PGGT1B: variants seen among roughly 807,000 people sequenced by gnomAD.
The protein encoded by PGGT1B is protein geranylgeranyltransferase type I subunit beta.
In PGGT1B, 30 loss-of-function variants were observed where a neutral mutation model predicts 46.1. The ratio of observed to expected loss-of-function variants is 0.65; its 90% CI spans 0.49 to 0.88. PGGT1B has a LOEUF of 0.88. Ranked by LOEUF, PGGT1B falls within the 40% of genes least tolerant of loss-of-function variation. The pLI is 0.00. For synonymous variants in PGGT1B, 170 were observed against 160.0 expected, an observed-to-expected ratio of 1.06 and a Z score of -0.47; for missense variants, 376 against 455.9, an observed-to-expected ratio of 0.82 and a Z score of 1.60.
chr5:115,210,450 G>A lies in PGGT1B; in HGVS notation c.*1952C>T, dbSNP rs1254469448. 6.6e-6 allele frequency: 1 copy of A among 152,000 alleles called. No homozygotes were observed. The highest frequency in any genetic ancestry group is 2.4e-5 in the African/African-American group (1 of 41,378). 9.4% of individuals were successfully genotyped at this position (152,000 alleles called of 1,614,324 possible). A position where few individuals can be genotyped will look rare whatever the true frequency, so the allele number is the denominator to read the frequency against. On this transcript the variant is annotated 3_prime_UTR_variant, in exon 9 of 9. Coordinates refer to ENST00000419445, the MANE Select transcript of PGGT1B (RefSeq NM_005023.4). Reference sequence around the variant, plus strand: ...ATTTTCTGGTCAATTCAGTTGCTGTGGAATGTGAACATTTACTAGTCCATA... The same window carrying A: ...ATTTTCTGGTCAATTCAGTTGCTGTAGAATGTGAACATTTACTAGTCCATA...
intron 3 of PGGT1B, among the ~76,000 whole-genome samples, 165 bp downstream of exon 3, chr5:115,241,374 T>G (rs1262284725): frequency 6.6e-6 from 1 of 152,152 alleles, no homozygotes; most frequent in African/African-American, 2.4e-5. Context: ...TAGGTATAGG[T>G]TTCCTTTAAA....
chr5:115,250,025 CTT>C (rs890357751), intron 2 of PGGT1B, among the ~76,000 whole-genome samples: 1 of 152,034 alleles, frequency 6.6e-6, no homozygotes, highest in African/African-American at 2.4e-5. Flanking sequence ...TCTTCTGAAT[CTT>C]TAACAATTCT....
At chr5:115,219,232 T>C (rs1332512097) in intron 7 of PGGT1B, among the ~76,000 whole-genome samples, 2 of 151,884 alleles carry the variant, frequency 1.3e-5, no homozygotes, top group Admixed American at 6.6e-5. Context: ...AACAGTATAG[T>C]ACTGGCACAA....
Position 115,236,533 on chromosome 5 carries a change from TAAC to T in PGGT1B, c.480-14_480-12del, listed in dbSNP as rs770346514. ...GGTACTGCACAAAAACTGAAAATAA[TAAC>T]AACAATATGATTTTCTATTAACACT... On this transcript the variant is annotated splice_polypyrimidine_tract_variant and intron_variant, in intron 4 of 8. Coordinates refer to ENST00000419445, the MANE Select transcript of PGGT1B (RefSeq NM_005023.4). 4.0e-6 allele frequency: 6 copies of T among 1,514,354 alleles called. No individual in the cohort carries two copies. The highest frequency in any genetic ancestry group is 2.6e-5 in the East Asian group (1 of 38,548). The allele number at this position is 1,514,354 out of a possible 1,614,324, so 93.8% of individuals were successfully genotyped here.
chr5:115,253,136 C>G lies in PGGT1B; in HGVS notation c.259+1G>C. ...AAATAAAATGCTAAAAACTCACTCA[C>G]TGTCTTCTGTGGGAAGGACCTGCAG... is the stretch of plus-strand genomic sequence containing the variant. On this transcript the variant is annotated splice_donor_variant, in intron 2 of 8. Coordinates refer to ENST00000419445, the MANE Select transcript of PGGT1B (RefSeq NM_005023.4). LOFTEE classifies it high-confidence loss of function. 1 of 1,599,160 alleles carries G rather than the reference C, an allele frequency of 6.3e-7. No homozygotes were observed. The highest frequency in any genetic ancestry group is 8.5e-7 in the Non-Finnish European group (1 of 1,174,976).
At chr5:115,227,645 T>C (rs1190958201) in intron 6 of PGGT1B, among the ~76,000 whole-genome samples, 1 of 152,218 alleles carries the variant, frequency 6.6e-6, no homozygotes, top group Non-Finnish European at 1.5e-5. Flanking sequence ...TTCAGGAGAC[T>C]TGTCAGTGAT....
intron 2 of PGGT1B, among the ~76,000 whole-genome samples, chr5:115,251,696 A>G (rs1436607814): frequency 6.6e-6 from 1 of 152,042 alleles, no homozygotes; most frequent in Non-Finnish European, 1.5e-5. Flanking sequence ...TAAATTTTTA[A>G]TTAAAAAATA....
Position 115,231,205 on chromosome 5 carries a change from C to T in PGGT1B, c.613-184G>A, listed in dbSNP as rs183873543. Among the ~76,000 whole-genome samples the T allele has an allele frequency of 3.8e-3, 572 of 152,070 alleles. 1 individual carries two copies. The highest frequency in any genetic ancestry group is 0.014 in the Middle Eastern group (4 of 294). On this transcript the variant is annotated intron_variant, in intron 5 of 8. Transcript: ENST00000419445. ...TAGGCATTTTCAAATACCTGATTTT[C>T]TCTTCTTATTCACCAAGCCAAATCA...
At chr5:115,257,144 A>G in intron 1 of PGGT1B, among the ~76,000 whole-genome samples, 1 of 151,872 alleles carries the variant, frequency 6.6e-6, no homozygotes. Flanking sequence ...CACAGACAAG[A>G]GGGTTAACCT....
rs1214607176 is a variant in PGGT1B, at chr5:115,204,711, C to A, written c.*7691G>T. The A allele has an allele frequency of 1.3e-5, 2 of 152,022 alleles. No individual in the cohort carries two copies. Among genetic ancestry groups the A allele is most frequent in the African/African-American group, 4.8e-5 (2 of 41,392 alleles). The allele number at this position is 152,022 out of a possible 1,614,324, so 9.4% of individuals were successfully genotyped here. On this transcript the variant is annotated 3_prime_UTR_variant, in exon 9 of 9. Transcript: ENST00000419445. ...GCAGTAACTACCAATATTTTTAAAGCATAAATCCTTTAGTCCAGGAAATTC... is the reference window on the plus strand; with the variant it reads ...GCAGTAACTACCAATATTTTTAAAGAATAAATCCTTTAGTCCAGGAAATTC...
At chr5:115,225,212 A>C (rs577482344) in intron 6 of PGGT1B, among the ~76,000 whole-genome samples, 1 of 152,322 alleles carries the variant, frequency 6.6e-6, no homozygotes, top group African/African-American at 2.4e-5. Flanking sequence ...AAGAATAAGA[A>C]AGATTTTCAT....
chr5:115,230,472 C>A (rs867375374), intron 6 of PGGT1B, among the ~76,000 whole-genome samples: 1 of 151,746 alleles, frequency 6.6e-6, no homozygotes, highest in Non-Finnish European at 1.5e-5. Flanking sequence ...CTAGTTCTGC[C>A]AAAGTGGAAA....
chr5:115,247,766 A>G (rs1296529443), intron 2 of PGGT1B, among the ~76,000 whole-genome samples: 1 of 152,198 alleles, frequency 6.6e-6, no homozygotes, highest in East Asian at 1.9e-4. Flanking sequence ...GGCAGACAGG[A>G]GATATTCTTT....
intron 4 of PGGT1B, among the ~76,000 whole-genome samples, chr5:115,237,135 A>G (rs1757208231): frequency 6.6e-6 from 1 of 152,172 alleles, no homozygotes; most frequent in Admixed American, 6.5e-5. Context: ...TTAGTTTCAT[A>G]GGGTTTCCAA....
At chr5:115,226,518 T>C (rs1390524193) in intron 6 of PGGT1B, among the ~76,000 whole-genome samples, 3 of 151,138 alleles carry the variant, frequency 2.0e-5, no homozygotes, top group African/African-American at 4.9e-5. Context: ...TAAGCTACAG[T>C]TGGAGAAGAG....
At chr5:115,260,439 G>C (rs1419188413) in intron 1 of PGGT1B, among the ~76,000 whole-genome samples, 1 of 152,076 alleles carries the variant, frequency 6.6e-6, no homozygotes, top group Admixed American at 6.6e-5. Context: ...AAGAGTTGTG[G>C]CTTGCCCAAT....
chr5:115,229,849 C>G (rs572680700), intron 6 of PGGT1B, among the ~76,000 whole-genome samples: 2 of 152,142 alleles, frequency 1.3e-5, no homozygotes, highest in East Asian at 1.9e-4. Flanking sequence ...CAGGCACACA[C>G]AAAAACTATG....
intron 5 of PGGT1B, among the ~76,000 whole-genome samples, chr5:115,234,656 G>C (rs1432999307): frequency 6.6e-6 from 1 of 151,936 alleles, no homozygotes; most frequent in African/African-American, 2.4e-5. Flanking sequence ...CTTAAATATA[G>C]TACTTTGACT....
chr5:115,260,980 A>T (rs1156417657), intron 1 of PGGT1B, among the ~76,000 whole-genome samples: 1 of 152,250 alleles, frequency 6.6e-6, no homozygotes, highest in Non-Finnish European at 1.5e-5. Context: ...AGCTGCAAGC[A>T]AAGTTCAACT....
Sources: gnomAD v4.1 joint callset for allele counts (sites outside exome capture counted in the v4.1 genomes callset) on GRCh38, gnomAD v4.1.1 for gene constraint, MANE v1.5 for transcripts, NCBI Gene and HGNC (gene_info 2026-07-23, HGNC 2026-07-21) for gene names.